Variants in COP1 observed in about 807,000 individuals in gnomAD.
The protein encoded by COP1 is E3 ubiquitin-protein ligase COP1.
COP1 carries 24 observed loss-of-function variants against 101.3 expected under a neutral mutation model. The ratio of observed to expected loss-of-function variants is 0.24; its 90% CI spans 0.17 to 0.33. The LOEUF (loss-of-function observed/expected upper bound fraction) is 0.33. COP1 is among the 10% of genes least tolerant of loss of function. The pLI, the probability that COP1 is intolerant of heterozygous loss-of-function variation, is 1.00. For synonymous variants in COP1, 347 were observed against 341.9 expected (o/e 1.01, Z -0.17); for missense variants, 663 against 906.2 (o/e 0.73, Z 3.45).
In COP1 at chr1:176,074,268, T is replaced by C. The variant is rs192766622; in HGVS notation, c.1277+6884A>G. ...TGAAAGAAATTAATTAAATTTCCTT[T>C]TTTGGGAGGAATTAGAAGGCGTTGA... is the stretch of plus-strand genomic sequence containing the variant. On this transcript the variant is annotated intron_variant, in intron 11 of 19. Coordinates refer to ENST00000367669, the MANE Select transcript of COP1 (RefSeq NM_022457.7). Among the ~76,000 whole-genome samples, 184 of 152,254 alleles carry C rather than the reference T, an allele frequency of 1.2e-3. 1 individual carries two copies. Among genetic ancestry groups the C allele is most frequent in the Non-Finnish European group, 2.2e-3 (151 of 68,012 alleles).
chr1:176,044,946 G>C (rs1486998788), intron 12 of COP1, among the ~76,000 whole-genome samples: 1 of 152,096 alleles, frequency 6.6e-6, no homozygotes, highest in Non-Finnish European at 1.5e-5. Flanking sequence ...GCCAAGTGTT[G>C]TTCTGAGTGC....
chr1:175,948,334 A>G (rs1571214162), intron 18 of COP1, among the ~76,000 whole-genome samples: 3 of 152,334 alleles, frequency 2.0e-5, no homozygotes, highest in Admixed American at 2.0e-4. Context: ...CATGGTAGGC[A>G]GCTAAGAGGT....
At chr1:176,072,534 G>A (rs1409130601) in intron 11 of COP1, among the ~76,000 whole-genome samples, 5 of 152,084 alleles carry the variant, frequency 3.3e-5, no homozygotes, top group Admixed American at 6.6e-5. Context: ...GGTCAATAAC[G>A]CTTAAGACAA....
chr1:176,102,288 G>A (rs1450809702), intron 9 of COP1, among the ~76,000 whole-genome samples: 4 of 152,006 alleles, frequency 2.6e-5, no homozygotes, highest in African/African-American at 7.3e-5. Context: ...AATAAATTAC[G>A]TTTTCCTCAC....
At chr1:175,995,732 C>A (rs914517004) in intron 15 of COP1, among the ~76,000 whole-genome samples, 27 of 152,210 alleles carry the variant, frequency 1.8e-4, no homozygotes, top group Admixed American at 4.6e-4. Flanking sequence ...CAATAACAGG[C>A]TCTGAAATTG....
chr1:175,968,518 G>C (rs751931558), intron 18 of COP1: 1 of 518,590 alleles, frequency 1.9e-6, no homozygotes, highest in East Asian at 5.5e-5. Flanking sequence ...TTGTCCACAT[G>C]GCTGGTTCCA....
chr1:176,044,955 G>A (rs1323323966), intron 12 of COP1, among the ~76,000 whole-genome samples: 6 of 152,152 alleles, frequency 3.9e-5, no homozygotes, highest in African/African-American at 1.4e-4. Flanking sequence ...TGTTCTGAGT[G>A]CATTATGGGG....
intron 17 of COP1, among the ~76,000 whole-genome samples, chr1:175,987,435 C>G (rs1006156909): frequency 6.6e-6 from 1 of 151,986 alleles, no homozygotes; most frequent in Non-Finnish European, 1.5e-5. Context: ...TTTGCACCAG[C>G]CTAATAAGTC....
At position 175,947,243 on chromosome 1, in the gene COP1, G is replaced by A. The variant is rs773108967; in HGVS notation, c.2134-4C>T. ...CAGCAATCAGCACATTGGACTCCTA[G>A]AAAAGAACAAGAGCTTTTAAAGTAT... On this transcript the variant is annotated splice_polypyrimidine_tract_variant and splice_region_variant and intron_variant, in intron 18 of 19. Transcript: ENST00000367669. 23 of 1,603,470 alleles carry A rather than the reference G, an allele frequency of 1.4e-5. No homozygotes were observed. Among genetic ancestry groups the A allele is most frequent in the Non-Finnish European group, 1.9e-5 (22 of 1,170,540 alleles).
chr1:175,963,794 C>A (rs1245579625), intron 18 of COP1, among the ~76,000 whole-genome samples: 1 of 152,038 alleles, frequency 6.6e-6, no homozygotes, highest in African/African-American at 2.4e-5. Context: ...CCTCTAGGGT[C>A]AATAATTTCA....
At chr1:176,066,513 G>A (rs1558038162) in intron 11 of COP1, among the ~76,000 whole-genome samples, 1 of 152,046 alleles carries the variant, frequency 6.6e-6, no homozygotes, top group Non-Finnish European at 1.5e-5. Context: ...AAGAATAAAT[G>A]AGGAGATCAA....
chr1:176,158,155 G>C (rs1350374543), intron 5 of COP1, among the ~76,000 whole-genome samples: 1 of 151,464 alleles, frequency 6.6e-6, no homozygotes, highest in Non-Finnish European at 1.5e-5. Flanking sequence ...CCCATAAAAA[G>C]AGTATCTTAA....
chr1:176,203,101 G>A (rs1700446142), intron 1 of COP1, among the ~76,000 whole-genome samples: 1 of 151,950 alleles, frequency 6.6e-6, no homozygotes, highest in Admixed American at 6.6e-5. Flanking sequence ...ACTTTGGGAG[G>A]CAGAGGCGGG....
Position 176,207,122 on chromosome 1 carries a change from T to G in COP1, c.-144A>C, listed in dbSNP as rs921508302. 137 of 580,978 alleles carry G rather than the reference T, an allele frequency of 2.4e-4. No individual in the cohort carries two copies. The highest frequency in any genetic ancestry group is 2.0e-3 in the African/African-American group (97 of 49,556). The allele number at this position is 580,978 out of a possible 1,614,324, so 36.0% of individuals were successfully genotyped here. The stretch of plus-strand genomic sequence containing the variant: ...GGGGCTGAGGAACAATAAAGTTGCG[T>G]TTTTTTTTAAGGCAGCCACACAACA... On this transcript the variant is annotated 5_prime_UTR_variant, in exon 1 of 20. Transcript: ENST00000367669.
chr1:176,068,619 TAA>T lies in COP1; in HGVS notation c.1277+12531_1277+12532del, dbSNP rs538591143. On this transcript the variant is annotated intron_variant, in intron 11 of 19. Coordinates refer to ENST00000367669, the MANE Select transcript of COP1 (RefSeq NM_022457.7). ...CCTATTTCCAGTTAAGCTAGATAAC[TAA>T]GAGATAAAAGCACATTTTTTTCCAA... Among the ~76,000 whole-genome samples the T allele has an allele frequency of 9.2e-5, 14 of 152,312 alleles. No individual in the cohort carries two copies. The South Asian group carries it at 2.9e-3, about 32-fold the overall frequency.
chr1:176,118,278 TA>T (rs1471168612), intron 8 of COP1, among the ~76,000 whole-genome samples: 1 of 152,180 alleles, frequency 6.6e-6, no homozygotes, highest in Non-Finnish European at 1.5e-5. Context: ...TTTCTTTTAT[TA>T]ACAAAATTAG....
chr1:176,104,872 T>C (rs1290413268), intron 9 of COP1, among the ~76,000 whole-genome samples: 1 of 152,138 alleles, frequency 6.6e-6, no homozygotes, highest in East Asian at 1.9e-4. Flanking sequence ...AATTTCAAAA[T>C]AATGGAAACT....
intron 9 of COP1, among the ~76,000 whole-genome samples, chr1:176,110,450 AG>A (rs888210432): frequency 9.8e-5 from 15 of 152,308 alleles, no homozygotes; most frequent in Admixed American, 7.2e-4. Context: ...TTCTCTGCCT[AG>A]GAAGTTTTCC....
At chr1:176,072,036 T>C (rs1467557856) in intron 11 of COP1, among the ~76,000 whole-genome samples, 4 of 152,238 alleles carry the variant, frequency 2.6e-5, no homozygotes, top group African/African-American at 7.2e-5. Flanking sequence ...ATTGTTTGTG[T>C]TTCCTTTTTA....
Sources: gnomAD v4.1 joint callset for allele counts (sites outside exome capture counted in the v4.1 genomes callset) on GRCh38, gnomAD v4.1.1 for gene constraint, MANE v1.5 for transcripts, NCBI Gene and HGNC (gene_info 2026-07-23, HGNC 2026-07-21) for gene names.